The following PCDHA8 variants were observed in gnomAD, a reference collection of about 807,000 sequenced individuals.
PCDHA8 encodes the protein protocadherin alpha-8.
A neutral mutation model predicts 61.8 loss-of-function variants in PCDHA8; 53 were observed. The observed-to-expected ratio is 0.86, with a 90% confidence interval of 0.69 to 1.08. The LOEUF is 1.08. Among genes scored for constraint, PCDHA8 ranks in the 50% least tolerant of loss-of-function variants. The pLI, the probability that PCDHA8 is intolerant of heterozygous loss-of-function variation, is 0.00. For missense variants in PCDHA8, 1,293 were observed against 1,245.0 expected, an observed-to-expected ratio of 1.04 and a Z score of -0.58; for synonymous variants, 618 against 556.6, an observed-to-expected ratio of 1.11 and a Z score of -1.55.
intron 3 of PCDHA8, among the ~76,000 whole-genome samples, chr5:140,991,495 A>C (rs1331520722): frequency 6.6e-6 from 1 of 152,220 alleles, no homozygotes; most frequent in Non-Finnish European, 1.5e-5. Flanking sequence ...GTCCACAGTG[A>C]GTTTCACTGG....
chr5:140,941,214 C>CTTCCTTTCTTTCTTTCTTT (rs1554214039), intron 1 of PCDHA8, among the ~76,000 whole-genome samples: 1 of 122,414 alleles, frequency 8.2e-6, no homozygotes, highest in Non-Finnish European at 1.7e-5. Context: ...TTTCTTTCTT[C>CTTCCTTTCTTTCTTTCTTT]CTTTCTTTCT....
rs144442302 is a variant in PCDHA8, at chr5:140,850,848, C to A, written c.2394+7133C>A. On this transcript the variant is annotated intron_variant, in intron 1 of 3. Coordinates refer to ENST00000531613, the MANE Select transcript of PCDHA8 (RefSeq NM_018911.3). ...TTCTCCTTGTGCTGGATCTACAGAG[C>A]GAACGGGAGAACCCTCTGCTTCCTC... is the stretch of plus-strand genomic sequence containing the variant. The A allele has an allele frequency of 1.4e-5, 23 of 1,596,174 alleles. 3 individuals are homozygous for A. In the Middle Eastern group the frequency reaches 5.0e-4, roughly 35 times the overall value.
At position 140,857,244 on chromosome 5, in the gene PCDHA8, C is replaced by T. The variant is rs192745808; in HGVS notation, c.2394+13529C>T. On this transcript the variant is annotated intron_variant, in intron 1 of 3. Coordinates refer to ENST00000531613, the MANE Select transcript of PCDHA8 (RefSeq NM_018911.3). ...CACGTTCCGTTCAAGCTGGTGTCCA[C>T]CTACAAGAATTACTACTCATTGGTG... 5 of 1,598,592 alleles carry T rather than the reference C, an allele frequency of 3.1e-6. 1 individual carries two copies. In the African/African-American group the frequency reaches 6.7e-5, roughly 21 times the overall value.
intron 1 of PCDHA8, chr5:140,868,387 A>G: frequency 1.3e-5 from 2 of 152,312 alleles, no homozygotes; most frequent in South Asian, 4.1e-4. Context: ...AATGAGAACT[A>G]TAGAAAATAG....
chr5:140,931,147 A>G (rs1469532498), intron 1 of PCDHA8, among the ~76,000 whole-genome samples: 1 of 152,206 alleles, frequency 6.6e-6, no homozygotes, highest in Non-Finnish European at 1.5e-5. Context: ...AGTGGATACT[A>G]TTTAATAGAA....
At chr5:140,963,032 T>G (rs541613535) in intron 1 of PCDHA8, among the ~76,000 whole-genome samples, 2 of 152,172 alleles carry the variant, frequency 1.3e-5, no homozygotes, top group African/African-American at 2.4e-5. Flanking sequence ...CAATTAACAT[T>G]TATTGAGAGT....
At chr5:140,886,638 C>T (rs1282922977) in intron 1 of PCDHA8, among the ~76,000 whole-genome samples, 4 of 151,738 alleles carry the variant, frequency 2.6e-5, no homozygotes, top group South Asian at 2.1e-4. Flanking sequence ...CCAGCCTGGC[C>T]AACATGGTGA....
At chr5:140,928,041 C>T (rs2084880685) in intron 1 of PCDHA8, 3 of 1,613,398 alleles carry the variant, frequency 1.9e-6, no homozygotes, top group Non-Finnish European at 2.5e-6. Context: ...CTAGTGCAGG[C>T]CCTTTTCAGC....
At chr5:140,984,633 T>G (rs2097112196) in intron 3 of PCDHA8, among the ~76,000 whole-genome samples, 1 of 152,206 alleles carries the variant, frequency 6.6e-6, no homozygotes, top group African/African-American at 2.4e-5. Flanking sequence ...AAAGGGATTC[T>G]CTGCCTTCTC....
chr5:140,906,021 A>G (rs1422492231), intron 1 of PCDHA8, among the ~76,000 whole-genome samples: 1 of 152,182 alleles, frequency 6.6e-6, no homozygotes, highest in African/African-American at 2.4e-5. Context: ...TAATCTCTCC[A>G]CGTTCTTCTG....
chr5:140,899,672 T>C (rs1280165974), intron 1 of PCDHA8, among the ~76,000 whole-genome samples: 1 of 152,218 alleles, frequency 6.6e-6, no homozygotes, highest in Non-Finnish European at 1.5e-5. Flanking sequence ...CCGGCTTTGG[T>C]ATCAGGATGA....
chr5:140,851,802 T>G (rs1303108162), intron 1 of PCDHA8: 1 of 945,220 alleles, frequency 1.1e-6, no homozygotes, highest in Admixed American at 6.3e-5. Flanking sequence ...GTTCTGTCAG[T>G]AATCCATAAG....
chr5:140,937,288 C>T (rs1473599964), intron 1 of PCDHA8, among the ~76,000 whole-genome samples: 1 of 152,072 alleles, frequency 6.6e-6, no homozygotes, highest in African/African-American at 2.4e-5. Context: ...TCACCCGCTT[C>T]GGCCTCCCAA....
At chr5:140,901,407 G>T (rs2068648687) in intron 1 of PCDHA8, among the ~76,000 whole-genome samples, 2 of 152,130 alleles carry the variant, frequency 1.3e-5, no homozygotes, top group Non-Finnish European at 2.9e-5. Context: ...AGAGATAGGG[G>T]TCTAGTTTCA....
chr5:140,966,644 G>A, intron 1 of PCDHA8: 1 of 1,127,128 alleles, frequency 8.9e-7, no homozygotes, highest in Non-Finnish European at 1.2e-6. Context: ...GCTTTCTAGA[G>A]CGTGAGCGGT....
chr5:140,849,665 G>T (rs1255665975), intron 1 of PCDHA8: 1 of 1,598,534 alleles, frequency 6.3e-7, no homozygotes, highest in East Asian at 2.2e-5. Flanking sequence ...GCTCCCTGAC[G>T]CCCCACGTCC....
rs200360846 is a variant in PCDHA8, at chr5:140,842,668, C to T, written c.1347C>T (p.Asn449=). The change falls in exon 1 of 4, where the codon AAC becomes AAT. Residue 449 remains asparagine, a synonymous_variant. Transcript: ENST00000531613. The part of the protein sequence containing the change: ...ASLSVEVADV[N]DNAPAFAQPE... ...TGTCTGTGGAGGTGGCCGACGTGAA[C>T]GACAATGCTCCGGCGTTCGCGCAGC... 2.5e-4 allele frequency: 393 copies of T among 1,595,370 alleles called. 33 individuals carry two copies. Among genetic ancestry groups the T allele is most frequent in the South Asian group, 1.5e-4 (14 of 90,464 alleles).
At chr5:140,985,067 A>C (rs2153836144) in intron 3 of PCDHA8, among the ~76,000 whole-genome samples, 1 of 152,116 alleles carries the variant, frequency 6.6e-6, no homozygotes, top group East Asian at 1.9e-4. Flanking sequence ...CCTCCTGAGT[A>C]GCTGAGACTA....
chr5:140,973,209 C>T (rs1273068326), intron 1 of PCDHA8, among the ~76,000 whole-genome samples: 4 of 152,100 alleles, frequency 2.6e-5, no homozygotes, highest in Non-Finnish European at 4.4e-5. Flanking sequence ...GCATATTCAC[C>T]CTAATTCCAG....
Sources: gnomAD v4.1 joint callset for allele counts (sites outside exome capture counted in the v4.1 genomes callset) on GRCh38, gnomAD v4.1.1 for gene constraint, MANE v1.5 for transcripts, NCBI Gene and HGNC (gene_info 2026-07-23, HGNC 2026-07-21) for gene names.